Variants in SLC26A7 observed in about 807,000 individuals in gnomAD.
The protein encoded by SLC26A7 is solute carrier family 26 member 7.
SLC26A7 carries 59 observed loss-of-function variants against 82.5 expected under a neutral mutation model. The observed-to-expected ratio is 0.72, with a 90% CI of 0.58 to 0.89. SLC26A7 has a LOEUF of 0.89. Among genes scored for constraint, SLC26A7 ranks in the 40% least tolerant of loss-of-function variants. SLC26A7 has a pLI of 0.00. For synonymous variants in SLC26A7, 271 were observed against 274.3 expected (o/e 0.99, Z 0.12); for missense variants, 820 against 793.0 (o/e 1.03, Z -0.41).
Position 91,289,166 on chromosome 8 carries a change from A to G in SLC26A7, c.224A>G (p.His75Arg). The G allele has an allele frequency of 2.5e-6, 4 of 1,614,010 alleles. No homozygotes were observed. The highest frequency in any genetic ancestry group is 3.4e-6 in the Non-Finnish European group (4 of 1,179,952). The change falls in exon 3 of 19, where the codon CAC (histidine) becomes CGC (arginine). Residue 75 changes from histidine (H) to arginine (R), a missense_variant. His to Arg is a conservative substitution (Grantham distance 29). Transcript: ENST00000276609. The part of the protein sequence containing the change: ...GLAFAVLSSV[H>R]PVFGLYGSLF... ...GCCTTTGCTGTTCTCTCATCTGTGCACCCAGTGTTTGGTTTATATGGGTCT... is the reference window on the plus strand; with the variant it reads ...GCCTTTGCTGTTCTCTCATCTGTGCGCCCAGTGTTTGGTTTATATGGGTCT...
At chr8:91,307,580 A>C (rs1397192421) in intron 4 of SLC26A7, among the ~76,000 whole-genome samples, 2 of 139,610 alleles carry the variant, frequency 1.4e-5, no homozygotes, top group Non-Finnish European at 3.1e-5. Flanking sequence ...ATTCTCACTC[A>C]TAGGTGGGAA....
chr8:91,306,344 A>G (rs996140511), intron 4 of SLC26A7, among the ~76,000 whole-genome samples: 1 of 152,150 alleles, frequency 6.6e-6, no homozygotes, highest in Admixed American at 6.5e-5. Flanking sequence ...CACACATGCC[A>G]TACTTCTAAA....
intron 2 of SLC26A7, among the ~76,000 whole-genome samples, chr8:91,269,232 T>C (rs1811200160): frequency 6.6e-6 from 1 of 152,114 alleles, no homozygotes; most frequent in African/African-American, 2.4e-5. Context: ...TACTTTTCTT[T>C]TAGCTTAAAG....
At chr8:91,284,669 C>G (rs1305093433) in intron 2 of SLC26A7, among the ~76,000 whole-genome samples, 1 of 152,152 alleles carries the variant, frequency 6.6e-6, no homozygotes, top group Non-Finnish European at 1.5e-5. Context: ...TTAACTCTTA[C>G]ATCTGAGTAT....
chr8:91,257,635 A>T (rs75288186), intron 2 of SLC26A7, among the ~76,000 whole-genome samples: 2 of 152,042 alleles, frequency 1.3e-5, no homozygotes, highest in Admixed American at 6.6e-5. Flanking sequence ...TAAAAAAAAA[A>T]CACATTTTTT....
intron 5 of SLC26A7, among the ~76,000 whole-genome samples, 154 bp from the exon 6 acceptor site, chr8:91,334,141 A>G (rs1225525450): frequency 1.3e-5 from 2 of 152,182 alleles, no homozygotes; most frequent in Non-Finnish European, 1.5e-5. Flanking sequence ...AATACATAGC[A>G]TTAGCACTGA....
intron 4 of SLC26A7, 59 bp downstream of exon 4, chr8:91,295,762 C>G: frequency 6.6e-7 from 1 of 1,511,642 alleles, no homozygotes; most frequent in Non-Finnish European, 9.0e-7. Context: ...GGGAAGGCAG[C>G]TGGTGTTTTA....
chr8:91,282,676 C>T (rs967230620), intron 2 of SLC26A7, among the ~76,000 whole-genome samples: 4 of 152,128 alleles, frequency 2.6e-5, no homozygotes, highest in Admixed American at 6.6e-5. Context: ...CAGAAGGTCT[C>T]GTAGGTTCCA....
chr8:91,217,271 C>T (rs1435387629), intron 1 of SLC26A7, among the ~76,000 whole-genome samples: 1 of 152,162 alleles, frequency 6.6e-6, no homozygotes, highest in African/African-American at 2.4e-5. Context: ...AAACCCAACT[C>T]ATATACCAAC....
chr8:91,349,693 C>T (rs1813660956), intron 9 of SLC26A7, among the ~76,000 whole-genome samples: 1 of 152,144 alleles, frequency 6.6e-6, no homozygotes, highest in Non-Finnish European at 1.5e-5. Context: ...GTAATTGCAA[C>T]TGCATGTGTA....
upstream of SLC26A7, among the ~76,000 whole-genome samples, chr8:91,245,454 T>C (rs1276689311): frequency 6.6e-6 from 1 of 152,182 alleles, no homozygotes; most frequent in Non-Finnish European, 1.5e-5. Context: ...CGTATCCCCA[T>C]GCCAGCTATG....
chr8:91,310,633 G>A (rs1433661212), intron 4 of SLC26A7, among the ~76,000 whole-genome samples: 1 of 152,142 alleles, frequency 6.6e-6, no homozygotes, highest in Non-Finnish European at 1.5e-5. Context: ...GGGGCAAAAT[G>A]GCAGAGTTTA....
chr8:91,354,844 T>A (rs778287378), intron 11 of SLC26A7, among the ~76,000 whole-genome samples: 1 of 152,172 alleles, frequency 6.6e-6, no homozygotes, highest in Non-Finnish European at 1.5e-5. Context: ...ATATCATTCA[T>A]TGAGTTATAA....
chr8:91,346,433 A>G (rs1483843881), intron 9 of SLC26A7, among the ~76,000 whole-genome samples: 1 of 152,128 alleles, frequency 6.6e-6, no homozygotes, highest in Non-Finnish European at 1.5e-5. Flanking sequence ...ATGTGACATG[A>G]CTTCACAAAA....
At chr8:91,339,407 G>T (rs68179213) in intron 7 of SLC26A7, among the ~76,000 whole-genome samples, 11,170 of 152,144 alleles carry the variant, frequency 0.073, 601 homozygotes, top group African/African-American at 0.15. Context: ...AGCTGAGATT[G>T]CATTCCAGCT....
chr8:91,366,275 T>A (rs1814188663), intron 13 of SLC26A7, among the ~76,000 whole-genome samples: 1 of 152,182 alleles, frequency 6.6e-6, no homozygotes, highest in Non-Finnish European at 1.5e-5. Context: ...TTTGAAAGGA[T>A]AGGACTTCCT....
chr8:91,360,943 A>G (rs556032554), intron 11 of SLC26A7, among the ~76,000 whole-genome samples: 71 of 152,294 alleles, frequency 4.7e-4, no homozygotes, highest in African/African-American at 1.6e-3. Flanking sequence ...CACACACTAT[A>G]TAAACAGAAG....
intron 15 of SLC26A7, among the ~76,000 whole-genome samples, chr8:91,377,230 G>T (rs2130889597): frequency 6.6e-6 from 1 of 152,292 alleles, no homozygotes; most frequent in South Asian, 2.1e-4. Context: ...CCTCTTCTGA[G>T]TCTGCAATAG....
intron 14 of SLC26A7, 128 bp from the exon 15 acceptor site, chr8:91,369,657 C>G (rs563173559): frequency 3.4e-6 from 2 of 589,312 alleles, no homozygotes; most frequent in African/African-American, 3.9e-5. Context: ...GAAAAGAATG[C>G]TAGTGAAAAA....
Sources: allele counts gnomAD v4.1 joint callset (sites outside exome capture counted in the v4.1 genomes callset), GRCh38; gene constraint gnomAD v4.1.1; transcripts MANE v1.5; gene names NCBI Gene and HGNC (gene_info 2026-07-23, HGNC 2026-07-21).